The following IL17RD variants were observed in gnomAD, a reference collection of about 807,000 sequenced individuals.
The protein encoded by IL17RD is interleukin 17 receptor D.
In IL17RD, 52 loss-of-function variants were observed where a neutral mutation model predicts 80.5. The ratio of observed to expected loss-of-function variants is 0.65; its 90% confidence interval spans 0.52 to 0.81. The LOEUF is 0.81. Ranked by LOEUF, IL17RD falls within the 40% of genes least tolerant of loss-of-function variation. The pLI is 0.00. For synonymous variants in IL17RD, 416 were observed against 391.8 expected (o/e 1.06, Z -0.73); for missense variants, 1,024 against 955.1 (o/e 1.07, Z -0.95).
At chr3:57,108,290 G>C (rs929299363) in intron 5 of IL17RD, among the ~76,000 whole-genome samples, 1 of 151,706 alleles carries the variant, frequency 6.6e-6, no homozygotes, top group African/African-American at 2.4e-5. Flanking sequence ...TCCTGACTTC[G>C]TGATCTGCCT....
chr3:57,142,345 C>T (rs944374009), intron 1 of IL17RD: 3 of 438,928 alleles, frequency 6.8e-6, no homozygotes, highest in Admixed American at 2.6e-5. Context: ...CTTAAAAATT[C>T]ACTCTGTTCT....
intron 1 of IL17RD, among the ~76,000 whole-genome samples, chr3:57,141,154 A>G (rs945996839): frequency 6.6e-6 from 1 of 152,162 alleles, no homozygotes; most frequent in Admixed American, 6.5e-5. Flanking sequence ...CTCCTGCCTA[A>G]GCCTCCCAAT....
intron 1 of IL17RD, among the ~76,000 whole-genome samples, chr3:57,128,797 C>T (rs1707547954): frequency 6.6e-6 from 1 of 152,100 alleles, no homozygotes; most frequent in Non-Finnish European, 1.5e-5. Context: ...CACACACACA[C>T]GCAATGCACA....
At chr3:57,112,370 G>A (rs953005414) in intron 3 of IL17RD, among the ~76,000 whole-genome samples, 1 of 152,250 alleles carries the variant, frequency 6.6e-6, no homozygotes, top group South Asian at 2.1e-4. Context: ...CCCAGGAAGT[G>A]TCTGGCTCTC....
chr3:57,164,875 C>T (rs955174021), intron 1 of IL17RD: 24 of 1,194,282 alleles, frequency 2.0e-5, no homozygotes, highest in Non-Finnish European at 2.3e-5. Context: ...GGCCCAGCCC[C>T]GCCGCCCCTC....
At chr3:57,107,924 A>C (rs1707000725) in intron 5 of IL17RD, among the ~76,000 whole-genome samples, 1 of 152,230 alleles carries the variant, frequency 6.6e-6, no homozygotes, top group East Asian at 1.9e-4. Context: ...GACATTAAAT[A>C]AACAGAACTT....
In IL17RD at chr3:57,108,125, T is replaced by C. The variant is rs1013192548; in HGVS notation, c.550+1412A>G. ...CCCAGGCTGGAGTGCAGCGGCATGA[T>C]CTCAGCTCACTGCAACCTCCGCCTC... is the stretch of plus-strand genomic sequence containing the variant. On this transcript the variant is annotated intron_variant, in intron 5 of 12. Transcript: ENST00000296318. 5.9e-5 allele frequency among the ~76,000 whole-genome samples: 9 copies of C among 151,834 alleles called. No individual in the cohort carries two copies. In the Middle Eastern group the frequency reaches 0.01, roughly 172 times the overall value.
chr3:57,102,248 C>A (rs909778946), intron 10 of IL17RD, among the ~76,000 whole-genome samples: 1 of 152,182 alleles, frequency 6.6e-6, no homozygotes, highest in Non-Finnish European at 1.5e-5. Context: ...CTAGCCTGGG[C>A]AACAGAGCGA....
chr3:57,107,322 T>A (rs967221169), intron 5 of IL17RD, among the ~76,000 whole-genome samples: 10 of 150,656 alleles, frequency 6.6e-5, no homozygotes, highest in African/African-American at 2.4e-4. Context: ...GAGCTTGCAG[T>A]GAGCCGAGAT....
intron 1 of IL17RD, among the ~76,000 whole-genome samples, chr3:57,135,937 T>C (rs1482888468): frequency 6.6e-6 from 1 of 152,166 alleles, no homozygotes; most frequent in African/African-American, 2.4e-5. Context: ...CGCTGGTAGG[T>C]TGCCTATTGA....
intron 1 of IL17RD, among the ~76,000 whole-genome samples, chr3:57,138,604 T>C (rs1270722779): frequency 1.3e-5 from 2 of 152,028 alleles, no homozygotes; most frequent in African/African-American, 4.8e-5. Context: ...AGGCTCTTAT[T>C]TGGGGAAGTC....
At chr3:57,144,071 G>A (rs1204897734) in intron 1 of IL17RD, among the ~76,000 whole-genome samples, 1 of 152,154 alleles carries the variant, frequency 6.6e-6, no homozygotes, top group African/African-American at 2.4e-5. Flanking sequence ...ATCAGCCCAG[G>A]GCAGAATGAG....
intron 3 of IL17RD, among the ~76,000 whole-genome samples, chr3:57,113,798 C>T (rs990977780): frequency 6.6e-6 from 1 of 152,098 alleles, no homozygotes; most frequent in African/African-American, 2.4e-5. Context: ...CCATCTCGGC[C>T]TCCCAAAGTG....
chr3:57,156,496 T>C (rs2060268237), intron 1 of IL17RD, among the ~76,000 whole-genome samples: 1 of 152,052 alleles, frequency 6.6e-6, no homozygotes, highest in African/African-American at 2.4e-5. Flanking sequence ...GCCTAGGAGT[T>C]CAAGACTGCA....
chr3:57,106,201 A>T (rs1275646736), intron 5 of IL17RD, 47 bp from the exon 6 acceptor site: 2 of 1,424,928 alleles, frequency 1.4e-6, no homozygotes, highest in Non-Finnish European at 9.8e-7. Context: ...GGACAGTTAG[A>T]CATTTTCCTC....
rs1291941855 is a variant in IL17RD, at chr3:57,127,361, TATAA to T, written c.127-7052_127-7049del. Among the ~76,000 whole-genome samples, 23 of 81,160 alleles carry T rather than the reference TATAA, an allele frequency of 2.8e-4. 1 individual carries two copies. Among genetic ancestry groups the T allele is most frequent in the Admixed American group, 1.0e-3 (5 of 4,940 alleles). 53.2% of individuals were successfully genotyped at this position (81,160 alleles called of 152,430 possible). A position where few individuals can be genotyped will look rare whatever the true frequency, so the allele number is the denominator to read the frequency against. The stretch of plus-strand genomic sequence containing the variant: ...AAAAATATATATAAATATATATAAA[TATAA>T]ATATATATATATAAATAAATAAATA... On this transcript the variant is annotated intron_variant, in intron 1 of 12. Transcript: ENST00000296318.
At chr3:57,127,287 T>TATATATAAAA (rs1559476928) in intron 1 of IL17RD, among the ~76,000 whole-genome samples, 1 of 79,132 alleles carries the variant, frequency 1.3e-5, no homozygotes, top group East Asian at 4.7e-4. Flanking sequence ...TATATATAAA[T>TATATATAAAA]ATATATAAAT....
At chr3:57,131,975 C>T (rs773591674) in intron 1 of IL17RD, among the ~76,000 whole-genome samples, 1 of 151,984 alleles carries the variant, frequency 6.6e-6, no homozygotes, top group Non-Finnish European at 1.5e-5. Context: ...TGCTTGAGCT[C>T]AGGAGTTTAA....
At chr3:57,167,067 A>C (rs1307723589), upstream of IL17RD, among the ~76,000 whole-genome samples, 4 of 152,234 alleles carry the variant, frequency 2.6e-5, no homozygotes, top group African/African-American at 7.2e-5. Context: ...GCCTCACCTG[A>C]ACTTCAGGGG....
Sources: gnomAD v4.1 joint callset for allele counts (sites outside exome capture counted in the v4.1 genomes callset) on GRCh38, gnomAD v4.1.1 for gene constraint, MANE v1.5 for transcripts, NCBI Gene and HGNC (gene_info 2026-07-23, HGNC 2026-07-21) for gene names.